Variants in DLGAP1 observed in about 807,000 individuals in gnomAD.
The protein encoded by DLGAP1 is DLG associated protein 1.
Under a neutral mutation model 90.8 loss-of-function variants are expected in DLGAP1, and 11 were observed. That is an observed-to-expected ratio of 0.12 (90% confidence interval 0.08 to 0.20). DLGAP1 has a LOEUF of 0.20. Among genes scored for constraint, DLGAP1 ranks in the 10% least tolerant of loss-of-function variants. DLGAP1 has a pLI of 1.00. For missense variants in DLGAP1, 1,050 were observed against 1,333.8 expected (o/e 0.79, Z 3.31); for synonymous variants, 558 against 540.7 (o/e 1.03, Z -0.44).
rs531502308 is a variant in DLGAP1 at position 4,383,583 on chromosome 18, T to C, written c.-267+71423A>G. On this transcript the variant is annotated intron_variant, in intron 1 of 12. Coordinates refer to ENST00000315677, the MANE Select transcript of DLGAP1 (RefSeq NM_004746.4). The surrounding 1 kb of genome is among the most constrained non-coding windows in gnomAD (Gnocchi z 4.0). ...CTTAGACAAAACCGAGTATCCTTGC[T>C]CATTAAAAAAAAAGGGATGTTTACC... Among the ~76,000 whole-genome samples the C allele has an allele frequency of 2.0e-5, 3 of 151,960 alleles. No individual in the cohort carries two copies. In the East Asian group the frequency reaches 5.8e-4, roughly 29 times the overall value.
Position 4,454,406 on chromosome 18 carries a change from T to TTCTATC in DLGAP1, c.-267+599_-267+600insGATAGA, listed in dbSNP as rs1555621485. Among the ~76,000 whole-genome samples, 4 of 150,558 alleles carry TTCTATC rather than the reference T, an allele frequency of 2.7e-5. No homozygotes were observed. Among genetic ancestry groups the TTCTATC allele is most frequent in the South Asian group, 4.2e-4 (2 of 4,768 alleles). On this transcript the variant is annotated intron_variant, in intron 1 of 12. Transcript: ENST00000315677. The surrounding 1 kb of genome is among the most constrained non-coding windows in gnomAD (Gnocchi z 4.7). Reference sequence around the variant, plus strand: ...CAGTGACCTCCTCCTTGGACCCCATTTCTCTCTCTCTCTCTCTCTCTGTGC... The same window carrying TTCTATC: ...CAGTGACCTCCTCCTTGGACCCCATTTCTATCTCTCTCTCTCTCTCTCTCTCTGTGC...
chr18:4,106,213 A>G (rs1027159700), intron 2 of DLGAP1, among the ~76,000 whole-genome samples: 2 of 152,102 alleles, frequency 1.3e-5, no homozygotes, highest in African/African-American at 2.4e-5. Context: ...GGGCCACAAA[A>G]CAGCACGTTC....
intron 2 of DLGAP1, among the ~76,000 whole-genome samples, chr18:4,148,236 G>A (rs2076618472): frequency 6.6e-6 from 1 of 152,008 alleles, no homozygotes; most frequent in South Asian, 2.1e-4. Context: ...AAAATCACTT[G>A]GAAGGCTTGA....
intron 7 of DLGAP1, among the ~76,000 whole-genome samples, chr18:3,714,013 G>T (rs1281017548): frequency 6.6e-6 from 1 of 152,156 alleles, no homozygotes; most frequent in Admixed American, 6.5e-5. Context: ...AAGCCGACTT[G>T]ATCAACCAAT....
At chr18:4,389,692 G>T (rs947945335) in intron 1 of DLGAP1, among the ~76,000 whole-genome samples, 1 of 152,096 alleles carries the variant, frequency 6.6e-6, no homozygotes, top group Admixed American at 6.5e-5. Context: ...AGTCAAAATA[G>T]AAGTTATTCC....
intron 1 of DLGAP1, among the ~76,000 whole-genome samples, chr18:4,436,420 T>C (rs73370875): frequency 0.053 from 7,990 of 152,054 alleles, 688 homozygotes; most frequent in African/African-American, 0.18. Flanking sequence ...ATTTCCAAAC[T>C]AGGGCCTGAG....
chr18:4,020,207 G>T (rs1363832901), intron 2 of DLGAP1, among the ~76,000 whole-genome samples: 2 of 152,174 alleles, frequency 1.3e-5, no homozygotes, highest in Non-Finnish European at 2.9e-5. Flanking sequence ...GGGGTATTGT[G>T]AGGCATGTCC....
At chr18:3,825,890 G>A (rs7233922) in intron 4 of DLGAP1, among the ~76,000 whole-genome samples, 18,556 of 152,064 alleles carry the variant, frequency 0.12, 1,223 homozygotes, top group Middle Eastern at 0.14. Context: ...CTCATCAATC[G>A]TAGGTTGGAT....
At chr18:4,243,264 G>A (rs889582541) in intron 1 of DLGAP1, among the ~76,000 whole-genome samples, 1 of 152,174 alleles carries the variant, frequency 6.6e-6, no homozygotes, top group Non-Finnish European at 1.5e-5. Context: ...GTGCCTCTGC[G>A]GAGTACAGTG....
At chr18:3,765,059 T>C (rs1239084570) in intron 5 of DLGAP1, among the ~76,000 whole-genome samples, 1 of 151,336 alleles carries the variant, frequency 6.6e-6, no homozygotes, top group Non-Finnish European at 1.5e-5. Context: ...ATGTAGGTGG[T>C]GGATGGGCAT....
At chr18:4,262,760 A>C (rs2079027441) in intron 1 of DLGAP1, among the ~76,000 whole-genome samples, 1 of 152,048 alleles carries the variant, frequency 6.6e-6, no homozygotes, top group Admixed American at 6.6e-5. Context: ...TCCCTGGCAA[A>C]TTTACTCAAT....
chr18:3,901,640 G>A (rs911984579), intron 3 of DLGAP1, among the ~76,000 whole-genome samples: 7 of 151,976 alleles, frequency 4.6e-5, no homozygotes, highest in African/African-American at 1.7e-4. Flanking sequence ...CTCATGGGTG[G>A]CAATATTTTA....
intron 1 of DLGAP1, among the ~76,000 whole-genome samples, chr18:4,232,737 A>C (rs761641635): frequency 2.4e-4 from 36 of 152,316 alleles, no homozygotes; most frequent in Non-Finnish European, 3.8e-4. Flanking sequence ...GGAAAAATGC[A>C]CTAGCTCCTC....
intron 2 of DLGAP1, among the ~76,000 whole-genome samples, chr18:4,118,326 C>T (rs1424710678): frequency 6.6e-6 from 1 of 152,100 alleles, no homozygotes; most frequent in East Asian, 1.9e-4. Context: ...GGGGGTAGAA[C>T]CCACTCTTGT....
At chr18:4,327,471 T>G (rs1017403372) in intron 1 of DLGAP1, among the ~76,000 whole-genome samples, 4 of 152,060 alleles carry the variant, frequency 2.6e-5, no homozygotes, top group Non-Finnish European at 1.5e-5. Flanking sequence ...TCAATTTTAG[T>G]AGAATTAGAA....
intron 7 of DLGAP1, among the ~76,000 whole-genome samples, chr18:3,661,782 A>AT (rs1323600015): frequency 6.6e-6 from 1 of 151,422 alleles, no homozygotes; most frequent in Admixed American, 6.6e-5. Flanking sequence ...GGGTTTCACC[A>AT]TGTTGCTCAG....
At chr18:4,293,209 T>C (rs1353803770) in intron 1 of DLGAP1, 2 of 152,198 alleles carry the variant, frequency 1.3e-5, no homozygotes, top group African/African-American at 4.8e-5. Context: ...GTTCCAATAA[T>C]GAAGAATGTG....
chr18:4,126,122 C>T (rs778051761), intron 2 of DLGAP1, among the ~76,000 whole-genome samples: 5 of 152,254 alleles, frequency 3.3e-5, no homozygotes, highest in African/African-American at 9.6e-5. Context: ...CAGCCTGCAC[C>T]GAGCAGGGAC....
chr18:3,562,248 A>T (rs1453165223), intron 9 of DLGAP1, among the ~76,000 whole-genome samples: 1 of 151,736 alleles, frequency 6.6e-6, no homozygotes, highest in Admixed American at 6.6e-5. Flanking sequence ...TAATAATAAT[A>T]ATTATATCTG....
Sources: allele counts gnomAD v4.1 joint callset (sites outside exome capture counted in the v4.1 genomes callset), GRCh38; gene constraint gnomAD v4.1.1; non-coding constraint Gnocchi (gnomAD v3.1); transcripts MANE v1.5; gene names NCBI Gene and HGNC (gene_info 2026-07-23, HGNC 2026-07-21).